Variants in CRTC3 observed in about 807,000 individuals in gnomAD.
The protein encoded by CRTC3 is CREB regulated transcription coactivator 3, also known as CREB-regulated transcription coactivator 3.
In CRTC3, 26 loss-of-function variants were observed where a neutral mutation model predicts 74.5. The ratio of observed to expected loss-of-function variants is 0.35; its 90% CI spans 0.26 to 0.48. The LOEUF (loss-of-function observed/expected upper bound fraction) is 0.48. Among genes scored for constraint, CRTC3 ranks in the 20% least tolerant of loss-of-function variants. The pLI is 0.99. For synonymous variants in CRTC3, 377 were observed against 325.8 expected (o/e 1.16, Z -1.69); for missense variants, 760 against 787.3 (o/e 0.97, Z 0.41).
intron 2 of CRTC3, among the ~76,000 whole-genome samples, chr15:90,580,921 T>A (rs1236301339): frequency 1.3e-5 from 2 of 152,144 alleles, no homozygotes; most frequent in Admixed American, 1.3e-4. Context: ...AAAAAAAAAT[T>A]TATTTTTGTA....
rs180758736 is a variant in CRTC3, at chr15:90,534,428, A to G, written c.132+4225A>G. On this transcript the variant is annotated intron_variant, in intron 1 of 14. Transcript: ENST00000268184. ...CTGAGCTACTGAGAAAAATGGGGGA[A>G]TTTTTGTTATGTAGCCACAGAAGTA... Among the ~76,000 whole-genome samples the G allele has an allele frequency of 3.2e-3, 485 of 152,220 alleles. 4 individuals carry two copies. The highest frequency in any genetic ancestry group is 0.011 in the African/African-American group (466 of 41,534).
chr15:90,564,229 T>C (rs181005444), intron 2 of CRTC3, among the ~76,000 whole-genome samples: 78 of 152,364 alleles, frequency 5.1e-4, no homozygotes, highest in African/African-American at 1.7e-3. Context: ...TGTTCTTTTG[T>C]TGAATTACTA....
At chr15:90,610,906 G>T (rs1968340912) in intron 6 of CRTC3, among the ~76,000 whole-genome samples, 1 of 152,214 alleles carries the variant, frequency 6.6e-6, no homozygotes, top group African/African-American at 2.4e-5. Flanking sequence ...GGCTGTAGAT[G>T]CTGAATATTG....
chr15:90,632,890 CACCTCACCCA>C (rs1969091984), intron 11 of CRTC3, among the ~76,000 whole-genome samples: 1 of 152,210 alleles, frequency 6.6e-6, no homozygotes, highest in African/African-American at 2.4e-5. Context: ...AGGCATGAGC[CACCTCACCCA>C]GCCTAACCAT....
chr15:90,618,591 G>A (rs1490410083), intron 8 of CRTC3, among the ~76,000 whole-genome samples: 1 of 152,188 alleles, frequency 6.6e-6, no homozygotes, highest in East Asian at 1.9e-4. Flanking sequence ...GACTTTGAAA[G>A]AAAACAGTTA....
intron 11 of CRTC3, chr15:90,635,002 A>G (rs1338513936): frequency 3.0e-5 from 39 of 1,310,044 alleles, no homozygotes; most frequent in Non-Finnish European, 3.9e-5. Context: ...CTATTTAGAG[A>G]TGGTGACATT....
intron 9 of CRTC3, among the ~76,000 whole-genome samples, chr15:90,624,652 C>T (rs1256916529): frequency 6.6e-6 from 1 of 152,272 alleles, no homozygotes; most frequent in Non-Finnish European, 1.5e-5. Context: ...TGGTTACACA[C>T]ACCCCTTCTC....
At chr15:90,555,398 A>G (rs2151063416) in intron 2 of CRTC3, among the ~76,000 whole-genome samples, 1 of 152,348 alleles carries the variant, frequency 6.6e-6, no homozygotes, top group East Asian at 1.9e-4. Context: ...CTGGTTTATG[A>G]AGAAAATGCA....
intron 1 of CRTC3, among the ~76,000 whole-genome samples, chr15:90,538,473 GC>G (rs1966753853): frequency 6.6e-6 from 1 of 152,150 alleles, no homozygotes; most frequent in African/African-American, 2.4e-5. Flanking sequence ...GATTTCGTAT[GC>G]CTTTAAAATT....
intron 2 of CRTC3, among the ~76,000 whole-genome samples, chr15:90,590,189 AG>A (rs935420079): frequency 6.6e-6 from 1 of 151,880 alleles, no homozygotes; most frequent in Non-Finnish European, 1.5e-5. Flanking sequence ...GCTACTGGGG[AG>A]GCTGAGGCAG....
At chr15:90,608,819 C>G (rs1243272409) in intron 6 of CRTC3, among the ~76,000 whole-genome samples, 1 of 152,226 alleles carries the variant, frequency 6.6e-6, no homozygotes, top group South Asian at 2.1e-4. Flanking sequence ...GGCACCTGAC[C>G]TGTACATGAA....
chr15:90,641,236 ATGT>A (rs1969430202), intron 14 of CRTC3, 37 bp downstream of exon 14: 8 of 1,347,690 alleles, frequency 5.9e-6, no homozygotes, highest in East Asian at 2.3e-5. Context: ...TACTGCTTTT[ATGT>A]TGTTGTGTGT....
intron 2 of CRTC3, among the ~76,000 whole-genome samples, chr15:90,562,817 T>C (rs1009408238): frequency 1.3e-5 from 2 of 151,946 alleles, no homozygotes; most frequent in Non-Finnish European, 1.5e-5. Flanking sequence ...GGGGGGTCAG[T>C]TGACACTGGA....
chr15:90,614,089 G>A (rs1266478884), intron 6 of CRTC3: 1 of 199,168 alleles, frequency 5.0e-6, no homozygotes, highest in Non-Finnish European at 1.0e-5. Flanking sequence ...TGAGTTACCT[G>A]CTCTTAACCC....
chr15:90,605,462 T>C (rs985396132), intron 5 of CRTC3, among the ~76,000 whole-genome samples: 2 of 152,172 alleles, frequency 1.3e-5, no homozygotes, highest in African/African-American at 4.8e-5. Flanking sequence ...GACGAGAACC[T>C]TTTTTAAAAA....
intron 5 of CRTC3, among the ~76,000 whole-genome samples, chr15:90,606,170 C>T (rs1968214840): frequency 6.6e-6 from 1 of 152,022 alleles, no homozygotes; most frequent in Non-Finnish European, 1.5e-5. Context: ...GCGAGAGAGT[C>T]GCTTGAACCC....
rs146199809 is a variant in CRTC3 at position 90,557,741 on chromosome 15, C to T, written c.231+17604C>T. Reference sequence around the variant, plus strand: ...CCTCTCACCCATCTCTAGGACCCAGCCTGAACTGAGGCAGAGGGACTGAGG... The same window carrying T: ...CCTCTCACCCATCTCTAGGACCCAGTCTGAACTGAGGCAGAGGGACTGAGG... On this transcript the variant is annotated intron_variant, in intron 2 of 14. Coordinates refer to ENST00000268184, the MANE Select transcript of CRTC3 (RefSeq NM_022769.5). Among the ~76,000 whole-genome samples the T allele has an allele frequency of 2.8e-3, 419 of 152,256 alleles. 2 individuals carry two copies. The highest frequency in any genetic ancestry group is 8.7e-3 in the African/African-American group (361 of 41,554).
chr15:90,615,221 T>TA (rs1968462772), intron 7 of CRTC3, among the ~76,000 whole-genome samples: 1 of 152,208 alleles, frequency 6.6e-6, no homozygotes, highest in Admixed American at 6.5e-5. Context: ...TTACATAAGA[T>TA]ACTGAGTTTC....
intron 2 of CRTC3, among the ~76,000 whole-genome samples, chr15:90,591,093 T>C (rs1967788813): frequency 6.6e-6 from 1 of 151,146 alleles, no homozygotes; most frequent in Non-Finnish European, 1.5e-5. Context: ...TAGCTAGGAC[T>C]ACAGGTGGGC....
Sources: allele counts gnomAD v4.1 joint callset (sites outside exome capture counted in the v4.1 genomes callset), GRCh38; gene constraint gnomAD v4.1.1; transcripts MANE v1.5; gene names NCBI Gene and HGNC (gene_info 2026-07-23, HGNC 2026-07-21).